Variants in ASIP observed in about 807,000 individuals in gnomAD.
ASIP encodes the protein agouti-signaling protein.
Under a neutral mutation model 10.3 loss-of-function variants are expected in ASIP, and 11 were observed. The ratio of observed to expected loss-of-function variants is 1.07; its 90% CI spans 0.68 to 1.78. The LOEUF (loss-of-function observed/expected upper bound fraction) is 1.78. ASIP is among the 40% of genes most tolerant of loss of function. The pLI, the probability that ASIP is intolerant of heterozygous loss-of-function variation, is 0.00. For synonymous variants in ASIP, 70 were observed against 70.8 expected (o/e 0.99, Z 0.06); for missense variants, 180 against 169.2 (o/e 1.06, Z -0.35).
chr20:34,191,904 T>C (rs1335750648), upstream of ASIP, among the ~76,000 whole-genome samples: 1 of 152,092 alleles, frequency 6.6e-6, no homozygotes, highest in East Asian at 1.9e-4. Flanking sequence ...TAATTTTTTC[T>C]ATTTTTAATA....
chr20:34,215,360 G>A (rs2035000543), intron 1 of ASIP: 2 of 1,572,626 alleles, frequency 1.3e-6, no homozygotes, highest in East Asian at 4.5e-5. Flanking sequence ...GGAATGCACT[G>A]TTCCCTCATG....
upstream of ASIP, among the ~76,000 whole-genome samples, chr20:34,193,894 A>G (rs757465636): frequency 6.6e-6 from 1 of 152,222 alleles, no homozygotes; most frequent in Admixed American, 6.5e-5. Flanking sequence ...AAATGTCTGG[A>G]CAGCTTTGTT....
At chr20:34,223,378 G>C (rs1201569356) in intron 1 of ASIP, among the ~76,000 whole-genome samples, 1 of 151,428 alleles carries the variant, frequency 6.6e-6, no homozygotes, top group South Asian at 2.1e-4. Context: ...GAAGTGAGGA[G>C]ACCCTCTGCC....
intron 1 of ASIP, among the ~76,000 whole-genome samples, chr20:34,196,290 C>T (rs2122530414): frequency 6.6e-6 from 1 of 150,720 alleles, no homozygotes; most frequent in Non-Finnish European, 1.5e-5. Context: ...CGCCATTCTC[C>T]TGCCTCAGCC....
At chr20:34,191,876 C>T (rs2034826373), upstream of ASIP, among the ~76,000 whole-genome samples, 1 of 151,618 alleles carries the variant, frequency 6.6e-6, no homozygotes, top group Non-Finnish European at 1.5e-5. Flanking sequence ...ATTACAGGTG[C>T]CCACCACCAT....
chr20:34,234,576 A>G (rs763612359), intron 1 of ASIP, among the ~76,000 whole-genome samples: 3 of 151,188 alleles, frequency 2.0e-5, no homozygotes, highest in Non-Finnish European at 4.4e-5. Flanking sequence ...TATATGACGG[A>G]CTGCATATAT....
At chr20:34,242,274 C>A (rs1008098318) in intron 1 of ASIP, among the ~76,000 whole-genome samples, 1 of 151,310 alleles carries the variant, frequency 6.6e-6, no homozygotes, top group Non-Finnish European at 1.5e-5. Flanking sequence ...TCACTGTCAC[C>A]CAGGCTGGAG....
At chr20:34,205,924 C>T (rs1187098277) in intron 1 of ASIP, among the ~76,000 whole-genome samples, 1 of 152,054 alleles carries the variant, frequency 6.6e-6, no homozygotes, top group Non-Finnish European at 1.5e-5. Flanking sequence ...TCCAAGTCCC[C>T]ACCCAACCCA....
intron 1 of ASIP, among the ~76,000 whole-genome samples, chr20:34,209,863 G>C (rs1297092942): frequency 6.6e-6 from 1 of 152,210 alleles, no homozygotes; most frequent in African/African-American, 2.4e-5. Context: ...TGAAGGCTGG[G>C]AGTCTGGCTG....
At chr20:34,258,700 A>ATATATATATATATATACATACACACATAC (rs1555826880) in intron 1 of ASIP, among the ~76,000 whole-genome samples, 1 of 77,918 alleles carries the variant, frequency 1.3e-5, no homozygotes, top group African/African-American at 4.7e-5. Flanking sequence ...TACATACTAT[A>ATATATATATATATATACATACACACATAC]TATATATATT....
upstream of ASIP, among the ~76,000 whole-genome samples, chr20:34,240,925 A>G (rs2122603764): frequency 6.6e-6 from 1 of 152,156 alleles, no homozygotes; most frequent in East Asian, 1.9e-4. Flanking sequence ...ATGAGTATGA[A>G]GGCATGACGT....
At chr20:34,188,617 T>C in the ASIP span, among the ~76,000 whole-genome samples, 8 of 152,240 alleles carry the variant, frequency 5.3e-5, no homozygotes, top group Non-Finnish European at 1.0e-4. Flanking sequence ...ATTAATTTTT[T>C]CTAGGATTAT....
rs531924249 is a variant in ASIP at position 34,245,122 on chromosome 20, T to A, written c.-11+3633T>A. On this transcript the variant is annotated intron_variant, in intron 1 of 3. Transcript: ENST00000374954. ...AGGCCAAGGTGGGCAAATCACGAGG[T>A]CAGGAGTTCGAGACCAGCCTGGCAA... 2.0e-4 allele frequency among the ~76,000 whole-genome samples: 30 copies of A among 151,534 alleles called. No homozygotes were observed. In the East Asian group the frequency reaches 4.7e-3, roughly 24 times the overall value.
chr20:34,190,703 C>T (rs749469394), upstream of ASIP, among the ~76,000 whole-genome samples: 1 of 152,152 alleles, frequency 6.6e-6, no homozygotes, highest in Non-Finnish European at 1.5e-5. Context: ...GAGCTCCAGC[C>T]GGAAGAAACA....
At chr20:34,220,799 A>G (rs1397455070) in intron 1 of ASIP, among the ~76,000 whole-genome samples, 2 of 152,142 alleles carry the variant, frequency 1.3e-5, no homozygotes, top group African/African-American at 4.8e-5. Flanking sequence ...ATGGTACCAT[A>G]GAAAGTCAAT....
intron 1 of ASIP, among the ~76,000 whole-genome samples, chr20:34,218,002 C>T (rs762497829): frequency 9.9e-5 from 15 of 152,230 alleles, no homozygotes; most frequent in Non-Finnish European, 1.9e-4. Context: ...AGCAAATTCT[C>T]ACTGCTTTTG....
At chr20:34,207,597 T>G (rs1291805585) in intron 1 of ASIP, among the ~76,000 whole-genome samples, 2 of 152,202 alleles carry the variant, frequency 1.3e-5, no homozygotes, top group Admixed American at 1.3e-4. Flanking sequence ...AAGAAATCTT[T>G]GCCAGGACCA....
At chr20:34,227,994 T>C (rs1340536220) in intron 1 of ASIP, among the ~76,000 whole-genome samples, 2 of 152,250 alleles carry the variant, frequency 1.3e-5, no homozygotes, top group South Asian at 2.1e-4. Context: ...GTACAAAATA[T>C]AATCTTTTCA....
chr20:34,257,950 C>T (rs1301292372), intron 1 of ASIP, among the ~76,000 whole-genome samples: 3 of 152,162 alleles, frequency 2.0e-5, no homozygotes, highest in African/African-American at 4.8e-5. Flanking sequence ...TTGAGATCAG[C>T]TTGGCCAACA....
Sources: allele counts gnomAD v4.1 joint callset (sites outside exome capture counted in the v4.1 genomes callset), GRCh38; gene constraint gnomAD v4.1.1; transcripts MANE v1.5; gene names NCBI Gene and HGNC (gene_info 2026-07-23, HGNC 2026-07-21).